ZNF263: variants seen among roughly 807,000 people sequenced by gnomAD.
ZNF263 encodes zinc finger protein 263.
A neutral mutation model predicts 63.1 loss-of-function variants in ZNF263; 49 were observed. The observed-to-expected ratio is 0.78, with a 90% confidence interval of 0.62 to 0.99. The LOEUF (loss-of-function observed/expected upper bound fraction) is 0.99, where lower values mean the gene tolerates loss of function less well. Ranked by LOEUF, ZNF263 falls within the 50% of genes least tolerant of loss-of-function variation. ZNF263 has a pLI of 0.00. For missense variants in ZNF263, 872 were observed against 854.8 expected, an observed-to-expected ratio of 1.02 and a Z score of -0.25; for synonymous variants, 352 against 324.2, an observed-to-expected ratio of 1.09 and a Z score of -0.92.
At chr16:3,286,310 C>T in intron 4 of ZNF263, 161 bp downstream of exon 4, 1 of 1,074,100 alleles carries the variant, frequency 9.3e-7, no homozygotes, top group Non-Finnish European at 1.3e-6. Flanking sequence ...CATGTATCTG[C>T]CAAGTGGTAC....
exon 3 of ZNF263, chr16:3,300,966 C>T: frequency 4.9e-6 from 1 of 203,092 alleles, no homozygotes; most frequent in South Asian, 1.5e-4. Context: ...TTCCCTAACT[C>T]AATACCGGAA....
chr16:3,289,525 G>A lies in ZNF263; in HGVS notation c.1019G>A (p.Arg340Gln), dbSNP rs140113954. 53 of 1,594,198 alleles carry A rather than the reference G, an allele frequency of 3.3e-5. No homozygotes were observed. The highest frequency in any genetic ancestry group is 4.0e-5 in the Non-Finnish European group (47 of 1,169,594). The change falls in exon 6 of 6, where the codon CGG (arginine) becomes CAG (glutamine). Residue 340 changes from arginine (R) to glutamine (Q), a missense_variant. Physicochemically the swap from Arg to Gln is conservative, Grantham distance 43 (BLOSUM62 1). Transcript: ENST00000219069. ...WSPELGRPHDRSQGDWAPPPE... is the reference protein window; with the variant it reads ...WSPELGRPHDQSQGDWAPPPE... ...CCTGAGCTGGGAAGACCTCATGACC[G>A]GTCGCAAGGGGATTGGGCGCCTCCC...
In ZNF263 at chr16:3,290,086, T is replaced by C; in HGVS notation, c.1580T>C (p.Phe527Ser). The C allele has an allele frequency of 6.2e-7, 1 of 1,614,088 alleles. No homozygotes were observed. The highest frequency in any genetic ancestry group is 8.5e-7 in the Non-Finnish European group (1 of 1,180,016). ...PYKCPECGKS[F>S]SRSSHLVIHE... ...AAGTGTCCCGAGTGTGGGAAAAGTT[T>C]CTCTCGGAGTTCACACCTCGTCATT... Residue 527 changes from phenylalanine (F) to serine (S), a missense_variant, in exon 6 of 6, where the codon TTC (phenylalanine) becomes TCC (serine). By Grantham distance (155) the Phe-to-Ser change is radical (BLOSUM62 -2). Transcript: ENST00000219069.
At chr16:3,299,627 T>C (rs771047726) in intron 2 of ZNF263, 4 of 1,564,802 alleles carry the variant, frequency 2.6e-6, no homozygotes, top group African/African-American at 2.7e-5. Flanking sequence ...CCTTGATTCA[T>C]TGGTTGAATC....
intron 1 of ZNF263, among the ~76,000 whole-genome samples, chr16:3,297,666 A>G (rs1015115175): frequency 2.6e-5 from 4 of 151,698 alleles, no homozygotes; most frequent in African/African-American, 9.7e-5. Flanking sequence ...GGGTTTCACC[A>G]TGTTAGCCAA....
Position 3,290,683 on chromosome 16 carries a change from TTG to T in ZNF263, c.*128_*129del. 1 of 1,448,622 alleles carries T rather than the reference TTG, an allele frequency of 6.9e-7. No individual in the cohort carries two copies. Among genetic ancestry groups the T allele is most frequent in the Non-Finnish European group, 9.0e-7 (1 of 1,107,498 alleles). The allele number at this position is 1,448,622 out of a possible 1,614,324, so 89.7% of individuals were successfully genotyped here. ...GCATTCTTCAGGTAATGGGGGCTCA[TTG>T]TGAGGGAGGTGCAGAGGCAGCAGAG... On this transcript the variant is annotated 3_prime_UTR_variant, in exon 6 of 6. Coordinates refer to ENST00000219069, the MANE Select transcript of ZNF263 (RefSeq NM_005741.5).
At chr16:3,285,008 C>G (rs754089804) in intron 1 of ZNF263, 51 bp from the exon 2 acceptor site, 3 of 1,599,722 alleles carry the variant, frequency 1.9e-6, no homozygotes, top group Non-Finnish European at 1.7e-6. Context: ...TACTAATTTC[C>G]CTTCCTCTTG....
Position 3,288,561 on chromosome 16 carries a change from C to A in ZNF263, c.877C>A (p.Pro293Thr), listed in dbSNP as rs780042699. ...CAAGGAGGGCCTGAGCCCCAGAGGC[C>A]CAGCTCCAGGTAAGGAATGAAGACA... ...SCKEGLSPRGPAPGEEKFENL... is the reference protein window; with the variant it reads ...SCKEGLSPRGTAPGEEKFENL... The change falls in exon 5 of 6, where the codon CCA becomes ACA. Residue 293 changes from proline (P) to threonine (T), a missense_variant. Coordinates refer to ENST00000219069, the MANE Select transcript of ZNF263 (RefSeq NM_005741.5). The A allele has an allele frequency of 6.2e-7, 1 of 1,609,784 alleles. No individual in the cohort carries two copies. Among genetic ancestry groups the A allele is most frequent in the South Asian group, 1.1e-5 (1 of 90,780 alleles).
In ZNF263 at chr16:3,291,183, C is replaced by G. The variant is rs528883475; in HGVS notation, c.*625C>G. On this transcript the variant is annotated 3_prime_UTR_variant, in exon 6 of 6. Coordinates refer to ENST00000219069, the MANE Select transcript of ZNF263 (RefSeq NM_005741.5). The stretch of plus-strand genomic sequence containing the variant: ...CTCAGACAAAAAGGAACCAGAGGCC[C>G]AAGGGCAATAATAAGGTGGAATTTG... 1.9e-4 allele frequency: 186 copies of G among 985,734 alleles called. 2 individuals are homozygous for G. The South Asian group carries it at 7.8e-3, about 41-fold the overall frequency. 61.1% of individuals were successfully genotyped at this position (985,734 alleles called of 1,614,324 possible).
rs552019056 is a variant in ZNF263, at chr16:3,284,564, C to G, written c.387+359C>G. On this transcript the variant is annotated intron_variant, in intron 1 of 5. Coordinates refer to ENST00000219069, the MANE Select transcript of ZNF263 (RefSeq NM_005741.5). ...TAAAATGAGGATATTAACATACTTT[C>G]TAGGGCTTAGAGGGAGAGCAGCATG... Among the ~76,000 whole-genome samples, 5 of 152,316 alleles carry G rather than the reference C, an allele frequency of 3.3e-5. No homozygotes were observed. In the East Asian group the frequency reaches 9.6e-4, roughly 29 times the overall value.
Position 3,283,642 on chromosome 16 carries a change from G to C in ZNF263, c.-177G>C, listed in dbSNP as rs1377273838. On this transcript the variant is annotated 5_prime_UTR_variant, in exon 1 of 6. Coordinates refer to ENST00000219069, the MANE Select transcript of ZNF263 (RefSeq NM_005741.5). ...GGCCGGCGTGGCGGCGCCTGGGACC[G>C]ACTGAGGCCTAGGCGCCGGAGCCGG... The C allele has an allele frequency of 1.9e-6, 2 of 1,041,896 alleles. No homozygotes were observed. The highest frequency in any genetic ancestry group is 1.7e-5 in the African/African-American group (1 of 60,036). The allele number at this position is 1,041,896 out of a possible 1,614,324, so 64.5% of individuals were successfully genotyped here. A position where few individuals can be genotyped will look rare whatever the true frequency, so the allele number is the denominator to read the frequency against.
intron 1 of ZNF263, among the ~76,000 whole-genome samples, chr16:3,297,829 C>T (rs1401131129): frequency 6.6e-6 from 1 of 152,122 alleles, no homozygotes; most frequent in Non-Finnish European, 1.5e-5. Context: ...AGCTAATTAT[C>T]CAAACAAAGC....
Position 3,286,067 on chromosome 16 carries a change from G to T in ZNF263, c.687G>T (p.Glu229Asp), listed in dbSNP as rs143903106. The T allele has an allele frequency of 6.7e-4, 1,078 of 1,612,956 alleles. 3 individuals are homozygous for T. The highest frequency in any genetic ancestry group is 2.3e-3 in the Middle Eastern group (14 of 6,052). The change falls in exon 4 of 6, where the codon GAG (glutamate) becomes GAT (aspartate). Residue 229 changes from glutamate (E) to aspartate (D), a missense_variant. Transcript: ENST00000219069. ...ACGTGGCAATGTACATCTCCCAGGA[G>T]GAGTGGGGGCATCAGGATCCTAGTA... ...LEDVAMYISQ[E>D]EWGHQDPSKR...
intron 1 of ZNF263, among the ~76,000 whole-genome samples, chr16:3,297,706 TG>T (rs1224329093): frequency 6.6e-6 from 1 of 152,032 alleles, no homozygotes; most frequent in African/African-American, 2.4e-5. Flanking sequence ...CCTCGTGATC[TG>T]CCCTCCTCGG....
chr16:3,295,573 C>T (rs186844022), downstream of ZNF263, among the ~76,000 whole-genome samples: 13 of 93,226 alleles, frequency 1.4e-4, no homozygotes, highest in Non-Finnish European at 2.3e-4. Context: ...AGCTGGGGTG[C>T]GTGCGAGCGG....
intron 5 of ZNF263, among the ~76,000 whole-genome samples, chr16:3,289,188 G>T (rs1959501077): frequency 6.6e-6 from 1 of 152,122 alleles, no homozygotes; most frequent in Admixed American, 6.5e-5. Context: ...TTCTAAGACT[G>T]GTCTCGGCTC....
rs1215493351 is a variant in ZNF263 at position 3,286,013 on chromosome 16, G to C, written c.643-10G>C. The C allele has an allele frequency of 6.2e-7, 1 of 1,614,000 alleles. No homozygotes were observed. Among genetic ancestry groups the C allele is most frequent in the Non-Finnish European group, 8.5e-7 (1 of 1,179,958 alleles). On this transcript the variant is annotated splice_polypyrimidine_tract_variant and intron_variant, in intron 3 of 5. Transcript: ENST00000219069. ...CATCAGGGGCTAAAGGAGATCTTGT[G>C]CTGTTTCAGTTGCCTGAGAGCTTAG...
In ZNF263 at chr16:3,283,844, A is replaced by T; in HGVS notation, c.26A>T (p.Glu9Val). 8 of 1,584,340 alleles carry T rather than the reference A, an allele frequency of 5.0e-6. No homozygotes were observed. The highest frequency in any genetic ancestry group is 6.9e-6 in the Non-Finnish European group (8 of 1,166,922). The change falls in exon 1 of 6, where the codon GAA becomes GTA. Residue 9 changes from glutamate (E) to valine (V), a missense_variant. Transcript: ENST00000219069. ...ATGGCGTCGGGCCCGGGCTCCCAGG[A>T]ACGGGAAGGGCTCCTGATAGTGAAG... MASGPGSQ[E>V]REGLLIVKLE... is the part of the protein sequence containing the mutation.
chr16:3,283,731 C>T lies in ZNF263; in HGVS notation c.-88C>T. 5 of 1,417,320 alleles carry T rather than the reference C, an allele frequency of 3.5e-6. No individual in the cohort carries two copies. Among genetic ancestry groups the T allele is most frequent in the Non-Finnish European group, 4.6e-6 (5 of 1,089,384 alleles). The allele number at this position is 1,417,320 out of a possible 1,614,324, so 87.8% of individuals were successfully genotyped here. A position where few individuals can be genotyped will look rare whatever the true frequency, so the allele number is the denominator to read the frequency against. The stretch of plus-strand genomic sequence containing the variant: ...GGGAGCCCCCGGCCCCGGGCTCCTG[C>T]TGGCGCCGTCCAACCTTACATGGGT... On this transcript the variant is annotated 5_prime_UTR_variant, in exon 1 of 6. Transcript: ENST00000219069.
Sources: allele counts gnomAD v4.1 joint callset (sites outside exome capture counted in the v4.1 genomes callset), GRCh38; gene constraint gnomAD v4.1.1; transcripts MANE v1.5; gene names NCBI Gene and HGNC (gene_info 2026-07-23, HGNC 2026-07-21).